Variants in NEK10 observed in about 807,000 individuals in gnomAD.
NEK10 encodes serine/threonine-protein kinase Nek10.
Under a neutral mutation model 159.8 loss-of-function variants are expected in NEK10, and 122 were observed. The ratio of observed to expected loss-of-function variants is 0.76; its 90% confidence interval spans 0.66 to 0.89. The LOEUF is 0.89. Ranked by LOEUF, NEK10 falls within the 40% of genes least tolerant of loss-of-function variation. The probability of loss-of-function intolerance (pLI) is 0.00; values close to 1 mark genes in which losing one functional copy is unlikely to be tolerated. For synonymous variants in NEK10, 466 were observed against 457.1 expected, an observed-to-expected ratio of 1.02 and a Z score of -0.25; for missense variants, 1,342 against 1,323.1, an observed-to-expected ratio of 1.01 and a Z score of -0.22.
chr3:27,344,286 AT>A lies in NEK10; in HGVS notation c.347del (p.Asn116IlefsTer4). ...FQEIFTALVK[N>X]RLISREWVNR... ...AACAATCTTACCTGCTTATGAGTCT[AT>A]TTTTCACCAAGGCGGTAAAGATCTC... is the stretch of plus-strand genomic sequence containing the variant. On this transcript the variant is annotated frameshift_variant, in exon 5 of 36. Transcript: ENST00000691995. LOFTEE classifies it high-confidence loss of function. 1.3e-6 allele frequency: 2 copies of A among 1,575,818 alleles called. No homozygotes were observed. Among genetic ancestry groups the A allele is most frequent in the Non-Finnish European group, 1.7e-6 (2 of 1,149,868 alleles).
At chr3:27,308,343 C>A (rs2044407009) in intron 10 of NEK10, among the ~76,000 whole-genome samples, 1 of 152,066 alleles carries the variant, frequency 6.6e-6, no homozygotes. Flanking sequence ...GATTACAATT[C>A]AAGATGAGAT....
chr3:27,156,170 G>T (rs945192714), intron 30 of NEK10, among the ~76,000 whole-genome samples: 1 of 151,928 alleles, frequency 6.6e-6, no homozygotes, highest in African/African-American at 2.4e-5. Flanking sequence ...CTAAGACCTG[G>T]AACTATAAAA....
At chr3:27,319,172 T>G (rs933643447) in intron 6 of NEK10, among the ~76,000 whole-genome samples, 2 of 152,216 alleles carry the variant, frequency 1.3e-5, no homozygotes, top group African/African-American at 4.8e-5. Context: ...TAAGGTTTTC[T>G]CTTTATCTTT....
chr3:27,133,421 A>G (rs1342861607), intron 31 of NEK10, among the ~76,000 whole-genome samples: 2 of 152,224 alleles, frequency 1.3e-5, no homozygotes, highest in Non-Finnish European at 2.9e-5. Context: ...TGTAGGGCCC[A>G]TTATGAAGTA....
chr3:27,156,829 A>C (rs1945483736), intron 30 of NEK10, among the ~76,000 whole-genome samples: 1 of 150,474 alleles, frequency 6.6e-6, no homozygotes, highest in South Asian at 2.1e-4. Flanking sequence ...TAATACAAAA[A>C]AGATACTTGC....
intron 20 of NEK10, among the ~76,000 whole-genome samples, chr3:27,286,668 G>A (rs1416705371): frequency 6.6e-6 from 1 of 150,532 alleles, no homozygotes; most frequent in African/African-American, 2.5e-5. Flanking sequence ...AGGATCATAG[G>A]CGTGAGCCAC....
At chr3:27,136,011 A>ACATTTTTT (rs1199980733) in intron 31 of NEK10, among the ~76,000 whole-genome samples, 2 of 151,934 alleles carry the variant, frequency 1.3e-5, no homozygotes, top group Admixed American at 1.3e-4. Context: ...ATTCTGAACT[A>ACATTTTTT]CATTTTTTTC....
chr3:27,116,256 A>G, intron 33 of NEK10, 129 bp from the exon 34 acceptor site: 1 of 791,686 alleles, frequency 1.3e-6, no homozygotes, highest in Non-Finnish European at 2.1e-6. Context: ...TGGAACAAGC[A>G]AATTCCAAAG....
intron 5 of NEK10, among the ~76,000 whole-genome samples, chr3:27,323,517 C>G (rs2045798289): frequency 1.3e-5 from 2 of 152,076 alleles, no homozygotes; most frequent in African/African-American, 4.8e-5. Context: ...TCAGCAGAAC[C>G]CTTTGAAATC....
At chr3:27,162,153 A>G (rs1395244017) in intron 30 of NEK10, 1 of 311,096 alleles carries the variant, frequency 3.2e-6, no homozygotes, top group Non-Finnish European at 6.0e-6. Context: ...TATGTAAAAC[A>G]TGGTTACTAT....
At chr3:27,256,473 C>T (rs143666722) in intron 22 of NEK10, 102 bp from the exon 23 acceptor site, 3 of 485,678 alleles carry the variant, frequency 6.2e-6, no homozygotes, top group African/African-American at 4.0e-5. Context: ...CACTTCATAA[C>T]CAAAGGCTTT....
intron 1 of NEK10, among the ~76,000 whole-genome samples, chr3:27,358,684 T>C (rs2048478116): frequency 6.6e-6 from 1 of 152,166 alleles, no homozygotes; most frequent in Non-Finnish European, 1.5e-5. Flanking sequence ...GGTTTTCAGA[T>C]CTCTACCCAG....
intron 19 of NEK10, 91 bp downstream of exon 19, chr3:27,290,526 T>G: frequency 1.1e-6 from 1 of 947,020 alleles, no homozygotes. Flanking sequence ...AACTAGTTCA[T>G]AAGCAGCATG....
At chr3:27,213,665 A>T (rs1415331624) in intron 23 of NEK10, among the ~76,000 whole-genome samples, 1 of 152,128 alleles carries the variant, frequency 6.6e-6, no homozygotes, top group Non-Finnish European at 1.5e-5. Context: ...CTCTTTTTGG[A>T]ATTCAGGCAC....
intron 1 of NEK10, among the ~76,000 whole-genome samples, chr3:27,355,415 C>G (rs986841891): frequency 6.6e-6 from 1 of 152,058 alleles, no homozygotes; most frequent in African/African-American, 2.4e-5. Context: ...ATACCCTAAA[C>G]AGAACTCTTG....
At chr3:27,334,584 T>C (rs1195016650) in intron 5 of NEK10, among the ~76,000 whole-genome samples, 2 of 152,134 alleles carry the variant, frequency 1.3e-5, no homozygotes, top group African/African-American at 4.8e-5. Flanking sequence ...CAGCCTCCAA[T>C]AATAACTACA....
At chr3:27,133,183 G>T (rs992246237) in intron 31 of NEK10, among the ~76,000 whole-genome samples, 1 of 152,156 alleles carries the variant, frequency 6.6e-6, no homozygotes, top group Non-Finnish European at 1.5e-5. Flanking sequence ...TGAGCAGCCC[G>T]AATGGAACTG....
intron 32 of NEK10, among the ~76,000 whole-genome samples, chr3:27,123,872 A>T (rs1941621859): frequency 1.3e-5 from 2 of 151,970 alleles, no homozygotes; most frequent in African/African-American, 2.4e-5. Flanking sequence ...AGCATGCTAG[A>T]TAAACAAATT....
intron 13 of NEK10, among the ~76,000 whole-genome samples, chr3:27,298,008 T>C (rs1191159858): frequency 6.6e-6 from 1 of 152,194 alleles, no homozygotes; most frequent in Non-Finnish European, 1.5e-5. Context: ...CCATTTTACA[T>C]AAGCAAAACT....
Sources: gnomAD v4.1 joint callset for allele counts (sites outside exome capture counted in the v4.1 genomes callset) on GRCh38, gnomAD v4.1.1 for gene constraint, MANE v1.5 for transcripts, NCBI Gene and HGNC (gene_info 2026-07-23, HGNC 2026-07-21) for gene names.